MARK2: variants seen among roughly 807,000 people sequenced by gnomAD.
MARK2 encodes the protein microtubule affinity regulating kinase 2.
Under a neutral mutation model 89.8 loss-of-function variants are expected in MARK2, and 16 were observed. That is an observed-to-expected ratio of 0.18 (90% confidence interval 0.12 to 0.27). MARK2 has a LOEUF of 0.27. Among genes scored for constraint, MARK2 ranks in the 10% least tolerant of loss-of-function variants. The pLI is 1.00. For missense variants in MARK2, 621 were observed against 1,049.9 expected (o/e 0.59, Z 5.65); for synonymous variants, 382 against 399.5 (o/e 0.96, Z 0.52).
chr11:63,872,015 T>C (rs1938479816), intron 1 of MARK2, among the ~76,000 whole-genome samples: 1 of 152,216 alleles, frequency 6.6e-6, no homozygotes, highest in Non-Finnish European at 1.5e-5. Flanking sequence ...ACTTTCCCTT[T>C]TCTCTTGAGG....
chr11:63,900,722 CAG>C lies in MARK2; in HGVS notation c.888+46_888+47del, dbSNP rs1940790733. 2 of 1,613,666 alleles carry C rather than the reference CAG, an allele frequency of 1.2e-6. No homozygotes were observed. The highest frequency in any genetic ancestry group is 2.2e-5 in the South Asian group (2 of 91,072). ...CTGGCGGAAGGGCCTGGGGTCCCCA[CAG>C]AAACTTTCCAGCTGAGTTTCTTCCC... On this transcript the variant is annotated intron_variant, in intron 9 of 18. Coordinates refer to ENST00000402010, the MANE Select transcript of MARK2 (RefSeq NM_001039469.3). The surrounding 1 kb of genome is among the most constrained non-coding windows in gnomAD (Gnocchi z 4.7).
intron 1 of MARK2, among the ~76,000 whole-genome samples, chr11:63,875,992 A>G (rs764269965): frequency 5.9e-5 from 9 of 152,224 alleles, no homozygotes; most frequent in Non-Finnish European, 1.2e-4. Context: ...TGTGTAAAAC[A>G]CTGATCACAT....
chr11:63,902,689 G>A lies in MARK2; in HGVS notation c.1323G>A (p.Arg441=), dbSNP rs149703041. The change falls in exon 13 of 19, where the codon CGG becomes CGA. Residue 441 remains arginine, a synonymous_variant. Coordinates refer to ENST00000402010, the MANE Select transcript of MARK2 (RefSeq NM_001039469.3). This position sits in a 1 kb window ranked among gnomAD's most constrained non-coding sequence, Gnocchi z 4.2. The part of the protein sequence containing the change: ...NAENKRPEED[R]ESGRKASSTA... The stretch of plus-strand genomic sequence containing the variant: ...AAAATAAGCGGCCTGAGGAGGACCG[G>A]GAGTCAGGGCGGAAAGCCAGCAGCA... 1 of 1,614,122 alleles carries A rather than the reference G, an allele frequency of 6.2e-7. No individual in the cohort carries two copies. Among genetic ancestry groups the A allele is most frequent in the Non-Finnish European group, 8.5e-7 (1 of 1,180,006 alleles).
intron 1 of MARK2, among the ~76,000 whole-genome samples, chr11:63,859,105 G>A (rs1400083761): frequency 6.6e-6 from 1 of 151,642 alleles, no homozygotes; most frequent in Non-Finnish European, 1.5e-5. Flanking sequence ...TTATATGTTG[G>A]CTATTGGTCA....
chr11:63,872,671 C>T (rs1243241825), intron 1 of MARK2, among the ~76,000 whole-genome samples: 1 of 152,134 alleles, frequency 6.6e-6, no homozygotes, highest in Non-Finnish European at 1.5e-5. Flanking sequence ...GACCAACCCG[C>T]TTCTACCGTG....
At position 63,839,232 on chromosome 11, in the gene MARK2, G is replaced by A; in HGVS notation, c.-275G>A. The A allele has an allele frequency of 8.4e-6, 2 of 236,846 alleles. No individual in the cohort carries two copies. Among genetic ancestry groups the A allele is most frequent in the Non-Finnish European group, 1.6e-5 (2 of 125,090 alleles). 14.7% of individuals were successfully genotyped at this position (236,846 alleles called of 1,614,324 possible). ...GCAGGCGGCCGGCTGCGGCGGCAGA[G>A]AGTAGGCGGAGCGGCGCGGCCCGGC... On this transcript the variant is annotated 5_prime_UTR_variant, in exon 1 of 19. Transcript: ENST00000402010.
chr11:63,899,352 C>T (rs1251376661), intron 7 of MARK2, among the ~76,000 whole-genome samples: 2 of 151,970 alleles, frequency 1.3e-5, no homozygotes, highest in Non-Finnish European at 2.9e-5. Flanking sequence ...CAGGGGCCCT[C>T]TGCCATTTCA....
rs111754279 is a variant in MARK2, at chr11:63,872,104, G to A, written c.55-23055G>A. On this transcript the variant is annotated intron_variant, in intron 1 of 18. Coordinates refer to ENST00000402010, the MANE Select transcript of MARK2 (RefSeq NM_001039469.3). The stretch of plus-strand genomic sequence containing the variant: ...CAGCCAGTGGAGGCTGATGGTAGCA[G>A]TTGGTGAGAAAGAGGAAGTATGTAG... Among the ~76,000 whole-genome samples the A allele has an allele frequency of 3.0e-3, 450 of 152,320 alleles. 2 individuals are homozygous for A. The highest frequency in any genetic ancestry group is 0.011 in the African/African-American group (442 of 41,560).
chr11:63,885,600 T>C (rs10792423), intron 1 of MARK2, among the ~76,000 whole-genome samples: 74,185 of 149,582 alleles, frequency 0.5, 20,129 homozygotes, highest in East Asian at 0.88. Context: ...TTTGGGAGGC[T>C]GGGGCGGGTG....
intron 1 of MARK2, among the ~76,000 whole-genome samples, chr11:63,863,058 G>C (rs1202763454): frequency 1.3e-5 from 2 of 152,178 alleles, no homozygotes; most frequent in Non-Finnish European, 2.9e-5. Context: ...GTGGTGCCAG[G>C]CCTTGTGTGT....
chr11:63,840,886 C>T (rs995075347), intron 1 of MARK2, among the ~76,000 whole-genome samples: 2 of 152,178 alleles, frequency 1.3e-5, no homozygotes, highest in Admixed American at 6.5e-5. Flanking sequence ...GTTTTTCACC[C>T]AAGTCTTAGC....
rs1220731476 is a variant in MARK2 at position 63,904,490 on chromosome 11, G to C, written c.1677-296G>C. On this transcript the variant is annotated intron_variant, in intron 15 of 18. Transcript: ENST00000402010. This position sits in a 1 kb window ranked among gnomAD's most constrained non-coding sequence, Gnocchi z 6.3. The stretch of plus-strand genomic sequence containing the variant: ...AAGGGTTGGTCCCCATTGCCGCCTT[G>C]AGGGTCCAGTCTGCCCGGCTCCCAG... Among the ~76,000 whole-genome samples the C allele has an allele frequency of 6.6e-6, 1 of 152,058 alleles. No homozygotes were observed. The highest frequency in any genetic ancestry group is 2.4e-5 in the African/African-American group (1 of 41,376).
At chr11:63,892,573 C>T (rs1416187477) in intron 1 of MARK2, among the ~76,000 whole-genome samples, 18 of 152,152 alleles carry the variant, frequency 1.2e-4, no homozygotes, top group African/African-American at 4.3e-4. Flanking sequence ...GCCCTCCAGA[C>T]TGTTTCCTTG....
intron 5 of MARK2, 21 bp downstream of exon 5, chr11:63,898,694 TC>T: frequency 5.0e-6 from 8 of 1,612,894 alleles, no homozygotes; most frequent in Non-Finnish European, 6.8e-6. Flanking sequence ...AACTGCCTCT[TC>T]CTGTTGTGCC....
At chr11:63,888,546 C>T in intron 1 of MARK2, 1 of 1,027,692 alleles carries the variant, frequency 9.7e-7, no homozygotes, top group Non-Finnish European at 1.2e-6. Context: ...TCTCTGTCTC[C>T]CTTCCTGCCC....
At position 63,858,388 on chromosome 11, in the gene MARK2, C is replaced by T. The variant is rs558108866; in HGVS notation, c.54+18828C>T. Among the ~76,000 whole-genome samples, 49 of 149,410 alleles carry T rather than the reference C, an allele frequency of 3.3e-4. 1 individual carries two copies. The highest frequency in any genetic ancestry group is 2.9e-3 in the South Asian group (14 of 4,748). On this transcript the variant is annotated intron_variant, in intron 1 of 18. Coordinates refer to ENST00000402010, the MANE Select transcript of MARK2 (RefSeq NM_001039469.3). ...GTAATTTTTTTTTTTGAGACAGTGT[C>T]TCACTCTATCACCCAGGCTGGAGTG... is the stretch of plus-strand genomic sequence containing the variant.
At chr11:63,881,881 A>G (rs1426102520) in intron 1 of MARK2, among the ~76,000 whole-genome samples, 2 of 152,168 alleles carry the variant, frequency 1.3e-5, no homozygotes, top group Non-Finnish European at 2.9e-5. Context: ...CCTTGAACCC[A>G]GGAGTTTGAG....
rs779830723 is a variant in MARK2 at position 63,900,693 on chromosome 11, C to A, written c.888+15C>A. The A allele has an allele frequency of 6.2e-7, 1 of 1,613,930 alleles. No individual in the cohort carries two copies. The highest frequency in any genetic ancestry group is 2.2e-5 in the East Asian group (1 of 44,878). On this transcript the variant is annotated intron_variant, in intron 9 of 18. Transcript: ENST00000402010. The surrounding 1 kb of genome is among the most constrained non-coding windows in gnomAD (Gnocchi z 4.7). ...GCACTTTAGAGGTGAGCAGTGGAGC[C>A]CAACTGGCGGAAGGGCCTGGGGTCC...
chr11:63,856,325 TTTTTTTTTTTTTA>T (rs1565100314), intron 1 of MARK2, among the ~76,000 whole-genome samples: 22 of 149,842 alleles, frequency 1.5e-4, no homozygotes, highest in Admixed American at 1.0e-3. Flanking sequence ...TTTTTTGTTT[TTTTTTTTTTTTTA>T]AATATATGGC....
Sources: gnomAD v4.1 joint callset for allele counts (sites outside exome capture counted in the v4.1 genomes callset) on GRCh38, gnomAD v4.1.1 for gene constraint, Gnocchi (gnomAD v3.1) non-coding constraint, MANE v1.5 for transcripts, NCBI Gene and HGNC (gene_info 2026-07-23, HGNC 2026-07-21) for gene names.